Variants in CCDC60 observed in about 807,000 individuals in gnomAD.
CCDC60 encodes coiled-coil domain-containing protein 60.
A neutral mutation model predicts 63.5 loss-of-function variants in CCDC60; 54 were observed. The ratio of observed to expected loss-of-function variants is 0.85; its 90% CI spans 0.68 to 1.07. The LOEUF is 1.07. Ranked by LOEUF, CCDC60 falls within the 50% of genes least tolerant of loss-of-function variation. The pLI is 0.00. For synonymous variants in CCDC60, 206 were observed against 238.8 expected, an observed-to-expected ratio of 0.86 and a Z score of 1.27; for missense variants, 651 against 684.3, an observed-to-expected ratio of 0.95 and a Z score of 0.54.
intron 1 of CCDC60, among the ~76,000 whole-genome samples, chr12:119,403,199 T>G (rs1593036416): frequency 6.6e-6 from 1 of 152,180 alleles, no homozygotes; most frequent in East Asian, 1.9e-4. Context: ...GTCCTGAGAC[T>G]AAATACCTTG....
At position 119,420,506 on chromosome 12, in the gene CCDC60, C is replaced by A. The variant is rs11064791; in HGVS notation, c.91-8177C>A. 0.12 allele frequency among the ~76,000 whole-genome samples: 17,697 copies of A among 151,922 alleles called. 1,100 individuals are homozygous for A. Among genetic ancestry groups the A allele is most frequent in the Middle Eastern group, 0.15 (45 of 294 alleles). ...TGTTCTCACTTATTTGTGGGATCTA[C>A]AAATCAAAACAATTGAACTAATGGA... On this transcript the variant is annotated intron_variant, in intron 1 of 13. Transcript: ENST00000327554. This position sits in a 1 kb window ranked among gnomAD's most constrained non-coding sequence, Gnocchi z 4.1.
intron 4 of CCDC60, among the ~76,000 whole-genome samples, chr12:119,488,327 T>G (rs984458719): frequency 2.0e-5 from 3 of 152,236 alleles, no homozygotes; most frequent in Admixed American, 2.0e-4. Flanking sequence ...TTTATTGTAC[T>G]TTTATCAGAT....
At chr12:119,337,864 G>GTGTGTA (rs1955490357) in intron 1 of CCDC60, among the ~76,000 whole-genome samples, 1 of 146,358 alleles carries the variant, frequency 6.8e-6, no homozygotes, top group South Asian at 2.2e-4. Flanking sequence ...GTGTGTGTGT[G>GTGTGTA]TCTCCATGTT....
chr12:119,453,951 G>C (rs1233111319), intron 2 of CCDC60, among the ~76,000 whole-genome samples: 1 of 152,146 alleles, frequency 6.6e-6, no homozygotes, highest in African/African-American at 2.4e-5. Context: ...AAATGATAAT[G>C]TTACCATGTA....
At chr12:119,524,831 G>C (rs1850165168) in intron 11 of CCDC60, among the ~76,000 whole-genome samples, 1 of 144,672 alleles carries the variant, frequency 6.9e-6, no homozygotes. Context: ...TTTGGTTTTT[G>C]GTTTTTGGGG....
intron 1 of CCDC60, among the ~76,000 whole-genome samples, chr12:119,341,242 G>T (rs1290556095): frequency 1.3e-5 from 2 of 151,254 alleles, no homozygotes; most frequent in African/African-American, 4.9e-5. Context: ...GAAGGAGTGT[G>T]TTCATTACCT....
At chr12:119,388,553 T>G (rs1593011162) in intron 1 of CCDC60, among the ~76,000 whole-genome samples, 2 of 152,354 alleles carry the variant, frequency 1.3e-5, no homozygotes, top group East Asian at 1.9e-4. Flanking sequence ...CATCTATATA[T>G]TCATTGTTTA....
At chr12:119,341,516 A>G (rs1293574908) in intron 1 of CCDC60, among the ~76,000 whole-genome samples, 1 of 152,234 alleles carries the variant, frequency 6.6e-6, no homozygotes, top group Non-Finnish European at 1.5e-5. Context: ...GAAGAACAAT[A>G]AGATCTATGG....
chr12:119,374,711 A>G (rs912372954), intron 1 of CCDC60, among the ~76,000 whole-genome samples: 4 of 152,162 alleles, frequency 2.6e-5, no homozygotes, highest in Non-Finnish European at 2.9e-5. Flanking sequence ...AACTGAGTGT[A>G]TTTATAGTTA....
chr12:119,461,094 C>T (rs1182921292), intron 2 of CCDC60, among the ~76,000 whole-genome samples: 1 of 152,042 alleles, frequency 6.6e-6, no homozygotes, highest in East Asian at 1.9e-4. Flanking sequence ...GCTGTTATGA[C>T]CATCATTTAC....
chr12:119,491,178 C>A (rs778677496), intron 5 of CCDC60, among the ~76,000 whole-genome samples: 6 of 152,168 alleles, frequency 3.9e-5, no homozygotes, highest in Non-Finnish European at 5.9e-5. Context: ...CAGGTTTACA[C>A]ATTCTTTCAA....
intron 6 of CCDC60, among the ~76,000 whole-genome samples, chr12:119,501,945 G>A (rs1321139806): frequency 6.6e-6 from 1 of 152,146 alleles, no homozygotes; most frequent in Admixed American, 6.5e-5. Context: ...CCTTTCCCCT[G>A]TTCTGGGCCT....
chr12:119,501,304 G>A (rs765767447), intron 6 of CCDC60, among the ~76,000 whole-genome samples: 2 of 152,142 alleles, frequency 1.3e-5, no homozygotes, highest in Admixed American at 1.3e-4. Flanking sequence ...AGCTTCTGTA[G>A]GAATATTATC....
chr12:119,448,842 T>G (rs185219863), intron 2 of CCDC60, among the ~76,000 whole-genome samples: 294 of 152,314 alleles, frequency 1.9e-3, no homozygotes, highest in Non-Finnish European at 2.9e-3. Context: ...CATATAGAAC[T>G]GTTTGTTGAC....
At position 119,500,477 on chromosome 12, in the gene CCDC60, A is replaced by G. The variant is rs573012087; in HGVS notation, c.648+309A>G. ...TCACCTCACTCTATCTTCTAAATCA[A>G]TAACAGTCATTTCTTTCTCCTTCTC... On this transcript the variant is annotated intron_variant, in intron 6 of 13. Transcript: ENST00000327554. Among the ~76,000 whole-genome samples the G allele has an allele frequency of 2.8e-4, 43 of 152,102 alleles. 1 individual carries two copies. The South Asian group carries it at 9.0e-3, about 32-fold the overall frequency.
chr12:119,354,410 A>G (rs1955695617), intron 1 of CCDC60, among the ~76,000 whole-genome samples: 1 of 152,184 alleles, frequency 6.6e-6, no homozygotes. Context: ...ATCATTAGAT[A>G]AGATTGATAA....
At chr12:119,388,184 G>A (rs1317192443) in intron 1 of CCDC60, 1 of 152,180 alleles carries the variant, frequency 6.6e-6, no homozygotes, top group African/African-American at 2.4e-5. Context: ...GATGTTCTAG[G>A]TGACATGTGC....
chr12:119,343,966 T>C (rs1226263660), intron 1 of CCDC60, among the ~76,000 whole-genome samples: 1 of 152,160 alleles, frequency 6.6e-6, no homozygotes, highest in African/African-American at 2.4e-5. Flanking sequence ...ATACCCAAAG[T>C]TACCCAAGTT....
chr12:119,404,084 T>C (rs1230633322), intron 1 of CCDC60, among the ~76,000 whole-genome samples: 1 of 152,154 alleles, frequency 6.6e-6, no homozygotes, highest in Admixed American at 6.5e-5. Flanking sequence ...GGTCAGGAGT[T>C]CGAGAACAGC....
Sources: allele counts gnomAD v4.1 joint callset (sites outside exome capture counted in the v4.1 genomes callset), GRCh38; gene constraint gnomAD v4.1.1; non-coding constraint Gnocchi (gnomAD v3.1); transcripts MANE v1.5; gene names NCBI Gene and HGNC (gene_info 2026-07-23, HGNC 2026-07-21).